The following LMF1 variants were observed in gnomAD, a reference collection of about 807,000 sequenced individuals.
The protein encoded by LMF1 is lipase maturation factor 1.
LMF1 carries 68 observed loss-of-function variants against 60.6 expected under a neutral mutation model. The observed-to-expected ratio is 1.12, with a 90% CI of 0.92 to 1.37. LMF1 has a LOEUF of 1.37. Ranked by LOEUF, LMF1 falls within the 40% of genes most tolerant of loss-of-function variation. The probability of loss-of-function intolerance (pLI) is 0.00; values close to 1 mark genes in which losing one functional copy is unlikely to be tolerated. For missense variants in LMF1, 948 were observed against 767.2 expected, an observed-to-expected ratio of 1.24 and a Z score of -2.78; for synonymous variants, 418 against 324.7, an observed-to-expected ratio of 1.29 and a Z score of -3.09.
rs2070090059 is a variant in LMF1, at chr16:879,306, G to T, written c.897+264C>A. On this transcript the variant is annotated intron_variant, in intron 6 of 10. Transcript: ENST00000262301. ...CGTCCCACTGCCGAGCCCAGGACAT[G>T]GCCGGGCCTCTCGCAGCTGCAGGAA... is the stretch of plus-strand genomic sequence containing the variant. 2.0e-5 allele frequency among the ~76,000 whole-genome samples: 3 copies of T among 152,318 alleles called. No individual in the cohort carries two copies. In the South Asian group the frequency reaches 6.2e-4, roughly 32 times the overall value.
At chr16:927,321 C>T (rs963352301) in intron 3 of LMF1, among the ~76,000 whole-genome samples, 9 of 152,256 alleles carry the variant, frequency 5.9e-5, no homozygotes, top group African/African-American at 2.2e-4. Flanking sequence ...GGACCACAGT[C>T]ATTCACGCCC....
At chr16:971,571 T>G (rs1048482297), upstream of LMF1, among the ~76,000 whole-genome samples, 1 of 152,210 alleles carries the variant, frequency 6.6e-6, no homozygotes, top group Non-Finnish European at 1.5e-5. Flanking sequence ...AGCTCCTGCC[T>G]GCCCTTGGGA....
At chr16:955,427 A>C (rs2072669443) in intron 1 of LMF1, among the ~76,000 whole-genome samples, 1 of 147,434 alleles carries the variant, frequency 6.8e-6, no homozygotes, top group African/African-American at 2.5e-5. Flanking sequence ...TGAACCAGAC[A>C]CGTTACATAA....
At chr16:881,708 T>A (rs2070167986) in intron 5 of LMF1, among the ~76,000 whole-genome samples, 1 of 152,182 alleles carries the variant, frequency 6.6e-6, no homozygotes, top group Admixed American at 6.5e-5. Flanking sequence ...CACTTCCCTT[T>A]TAGGCTGCTT....
intron 3 of LMF1, among the ~76,000 whole-genome samples, chr16:924,854 G>T (rs1025816972): frequency 2.6e-5 from 4 of 152,370 alleles, no homozygotes; most frequent in South Asian, 4.1e-4. Flanking sequence ...CCATAAAGGG[G>T]ATGATCTATG....
intron 5 of LMF1, among the ~76,000 whole-genome samples, chr16:888,045 G>A (rs982520276): frequency 1.6e-4 from 24 of 152,230 alleles, no homozygotes; most frequent in African/African-American, 5.8e-4. Flanking sequence ...CTCCGTGCCC[G>A]TCACGGGGCC....
chr16:859,097 C>G (rs1202741350), intron 10 of LMF1, among the ~76,000 whole-genome samples: 2 of 110,546 alleles, frequency 1.8e-5, no homozygotes, highest in Non-Finnish European at 1.7e-5. Context: ...TGTCTCGGGA[C>G]GGGTGTGCAG....
Position 874,784 on chromosome 16 carries a change from G to A in LMF1, c.898-3443C>T, listed in dbSNP as rs889532753. Among the ~76,000 whole-genome samples, 7 of 152,012 alleles carry A rather than the reference G, an allele frequency of 4.6e-5. No individual in the cohort carries two copies. Among genetic ancestry groups the A allele is most frequent in the East Asian group, 1.9e-4 (1 of 5,194 alleles). On this transcript the variant is annotated intron_variant, in intron 6 of 10. Coordinates refer to ENST00000262301, the MANE Select transcript of LMF1 (RefSeq NM_022773.4). This position sits in a 1 kb window ranked among gnomAD's most constrained non-coding sequence, Gnocchi z 4.1. The stretch of plus-strand genomic sequence containing the variant: ...CCAGGACAGGCTCCAGGCAGGCGGC[G>A]CTCAGAAGTCTCAGGGCACTCGGCT...
intron 2 of LMF1, among the ~76,000 whole-genome samples, chr16:952,369 T>C (rs1490632687): frequency 6.6e-6 from 1 of 151,778 alleles, no homozygotes; most frequent in Admixed American, 6.6e-5. Flanking sequence ...CTGCAGGGCC[T>C]GGGCTGTGCC....
intron 1 of LMF1, among the ~76,000 whole-genome samples, chr16:978,649 AAACTGCAAG>A: frequency 2.0e-5 from 3 of 152,184 alleles, no homozygotes; most frequent in African/African-American, 7.2e-5. Flanking sequence ...ACTCCCCCTG[AAACTGCAAG>A]GCCCACTAGC....
chr16:887,450 C>T (rs374923994), intron 5 of LMF1, among the ~76,000 whole-genome samples: 220 of 152,314 alleles, frequency 1.4e-3, no homozygotes, highest in African/African-American at 5.2e-3. Context: ...TTGGGGCACA[C>T]GCGGTCTCGG....
chr16:937,244 T>C (rs1439496998), intron 2 of LMF1, among the ~76,000 whole-genome samples: 1 of 152,220 alleles, frequency 6.6e-6, no homozygotes, highest in East Asian at 1.9e-4. Context: ...ATTACTTTCA[T>C]AGCTTTTATT....
chr16:922,135 G>A (rs2071448532), intron 3 of LMF1, among the ~76,000 whole-genome samples: 1 of 152,126 alleles, frequency 6.6e-6, no homozygotes, highest in Non-Finnish European at 1.5e-5. Flanking sequence ...GGGCGGCCTG[G>A]ACAGAAAACT....
chr16:927,959 T>C (rs1444567512), intron 3 of LMF1, among the ~76,000 whole-genome samples: 1 of 151,986 alleles, frequency 6.6e-6, no homozygotes, highest in East Asian at 1.9e-4. Context: ...ACCTGAGAGG[T>C]GGGGAAGTTT....
At chr16:976,400 A>C in intron 1 of LMF1, 1 of 454,074 alleles carries the variant, frequency 2.2e-6, no homozygotes. Context: ...GCACAGCTGT[A>C]CTGCAGGGTT....
At chr16:951,977 G>T (rs1288579325) in intron 2 of LMF1, among the ~76,000 whole-genome samples, 8 of 151,732 alleles carry the variant, frequency 5.3e-5, no homozygotes, top group Non-Finnish European at 7.4e-5. Context: ...GTGGCCCCAG[G>T]CCTGCAGACT....
chr16:896,521 A>G (rs2070665658), intron 4 of LMF1, among the ~76,000 whole-genome samples: 1 of 152,296 alleles, frequency 6.6e-6, no homozygotes, highest in Admixed American at 6.5e-5. Flanking sequence ...AGCACCGGAG[A>G]CTGTTTCCCG....
intron 3 of LMF1, among the ~76,000 whole-genome samples, chr16:925,670 A>C (rs1406946484): frequency 9.9e-5 from 15 of 152,200 alleles, no homozygotes; most frequent in Non-Finnish European, 2.2e-4. Context: ...GCGGAGGTCG[A>C]GGCTGCAATG....
At chr16:884,952 G>C (rs980047372) in intron 5 of LMF1, 1 of 152,198 alleles carries the variant, frequency 6.6e-6, no homozygotes, top group African/African-American at 2.4e-5. Flanking sequence ...GGTGGAGGGA[G>C]AATGATCACA....
Sources: gnomAD v4.1 joint callset for allele counts (sites outside exome capture counted in the v4.1 genomes callset) on GRCh38, gnomAD v4.1.1 for gene constraint, Gnocchi (gnomAD v3.1) non-coding constraint, MANE v1.5 for transcripts, NCBI Gene and HGNC (gene_info 2026-07-23, HGNC 2026-07-21) for gene names.